The following ENTPD3 variants were observed in gnomAD, a reference collection of about 807,000 sequenced individuals.
ENTPD3 encodes CD39 antigen-like 3.
ENTPD3 carries 60 observed loss-of-function variants against 51.2 expected under a neutral mutation model. The observed-to-expected ratio is 1.17, with a 90% CI of 0.95 to 1.45. The LOEUF is 1.45. ENTPD3 is among the 40% of genes most tolerant of loss of function. The pLI, the probability that ENTPD3 is intolerant of heterozygous loss-of-function variation, is 0.00. For missense variants in ENTPD3, 593 were observed against 641.1 expected (o/e 0.93, Z 0.81); for synonymous variants, 221 against 238.4 (o/e 0.93, Z 0.67).
chr3:40,403,824 T>C (rs927562516), intron 4 of ENTPD3, among the ~76,000 whole-genome samples: 2 of 152,074 alleles, frequency 1.3e-5, no homozygotes, highest in Non-Finnish European at 2.9e-5. Flanking sequence ...GCTAATTTTA[T>C]TTTTTGTAGA....
At chr3:40,404,832 G>A (rs1008810250) in intron 4 of ENTPD3, among the ~76,000 whole-genome samples, 6 of 152,202 alleles carry the variant, frequency 3.9e-5, no homozygotes, top group Admixed American at 3.3e-4. Flanking sequence ...AGGGGGTGAT[G>A]AATGCTTGCT....
chr3:40,414,930 G>A (rs147275720), intron 6 of ENTPD3, 90 bp downstream of exon 6: 2 of 1,329,636 alleles, frequency 1.5e-6, no homozygotes, highest in South Asian at 2.5e-5. Flanking sequence ...TGCCATCAGG[G>A]ATATCTGCCC....
chr3:40,415,993 G>T lies in ENTPD3; in HGVS notation c.751G>T (p.Val251Leu). The T allele has an allele frequency of 6.2e-7, 1 of 1,613,652 alleles. No homozygotes were observed. The highest frequency in any genetic ancestry group is 8.5e-7 in the Non-Finnish European group (1 of 1,179,870). Residue 251 changes from valine (V) to leucine (L), a missense_variant, in exon 7 of 11, where the codon GTA becomes TTA. Physicochemically the swap from Val to Leu is conservative, Grantham distance 32 (BLOSUM62 1). Transcript: ENST00000301825. ...CATGCAGGTGTCCCTGTATGGCTAC[G>T]TATACACGCTCTACACACACAGCTT... ...DIMQVSLYGY[V>L]YTLYTHSFQC...
intron 10 of ENTPD3, among the ~76,000 whole-genome samples, 177 bp from the exon 11 acceptor site, chr3:40,427,095 G>C (rs1955999598): frequency 6.6e-6 from 1 of 152,158 alleles, no homozygotes; most frequent in Non-Finnish European, 1.5e-5. Flanking sequence ...CTGGAGGTGA[G>C]ATTTCCCCAA....
intron 4 of ENTPD3, among the ~76,000 whole-genome samples, chr3:40,405,486 C>T (rs908669378): frequency 5.4e-5 from 8 of 148,872 alleles, no homozygotes; most frequent in African/African-American, 2.0e-4. Flanking sequence ...GCCTGGGTGA[C>T]AGAGCGAGAC....
At chr3:40,415,392 A>G (rs550615229) in intron 6 of ENTPD3, among the ~76,000 whole-genome samples, 1 of 152,288 alleles carries the variant, frequency 6.6e-6, no homozygotes, top group African/African-American at 2.4e-5. Context: ...CCCAAGACCT[A>G]TTTTGTTCAC....
Position 40,421,117 on chromosome 3 carries a change from G to A in ENTPD3, c.832-1733G>A, listed in dbSNP as rs748844901. 5.3e-5 allele frequency among the ~76,000 whole-genome samples: 8 copies of A among 150,504 alleles called. No individual in the cohort carries two copies. In the East Asian group the frequency reaches 9.7e-4, roughly 18 times the overall value. ...CGGTTTGCTGCAACCTCCGCCTCCC[G>A]GGTTCAAGTGGTTCTCCTGCCTCAG... On this transcript the variant is annotated intron_variant, in intron 7 of 10. Coordinates refer to ENST00000301825, the MANE Select transcript of ENTPD3 (RefSeq NM_001248.4).
intron 4 of ENTPD3, 102 bp from the exon 5 acceptor site, chr3:40,411,698 GACCCCCTACCAA>G: frequency 9.2e-7 from 1 of 1,083,530 alleles, no homozygotes; most frequent in Non-Finnish European, 1.3e-6. Context: ...AGCTGTTTTC[GACCCCCTACCAA>G]ACCCCAATAA....
At chr3:40,426,107 C>CTTTTTTTTTTTT (rs35267876) in intron 10 of ENTPD3, among the ~76,000 whole-genome samples, 355 of 112,346 alleles carry the variant, frequency 3.2e-3, no homozygotes, top group Non-Finnish European at 5.0e-3. Flanking sequence ...TTTTTCTTTT[C>CTTTTTTTTTTTT]TTTTTTTTTT....
In ENTPD3 at chr3:40,415,806, GCTTT is replaced by G. The variant is rs766946712; in HGVS notation, c.598-27_598-24del. 4 of 1,573,842 alleles carry G rather than the reference GCTTT, an allele frequency of 2.5e-6. No homozygotes were observed. In the Admixed American group the frequency reaches 5.0e-5, roughly 20 times the overall value. ...TGGGCAAACAGAGATGGTGCCTTTG[GCTTT>G]CTTTCTCACTTCCTTTTCCCACTGT... On this transcript the variant is annotated intron_variant, in intron 6 of 10. Coordinates refer to ENST00000301825, the MANE Select transcript of ENTPD3 (RefSeq NM_001248.4).
chr3:40,424,779 T>C (rs1472286680), intron 10 of ENTPD3: 2 of 702,076 alleles, frequency 2.8e-6, no homozygotes, highest in South Asian at 1.5e-5. Flanking sequence ...ATAGCTGATA[T>C]GAAGCCTGAA....
At chr3:40,421,258 A>C (rs867679633) in intron 7 of ENTPD3, among the ~76,000 whole-genome samples, 5 of 152,188 alleles carry the variant, frequency 3.3e-5, no homozygotes, top group Middle Eastern at 3.4e-3. Flanking sequence ...TCCTGACCTC[A>C]AATGATCTGC....
chr3:40,425,175 T>A lies in ENTPD3; in HGVS notation c.1353+1212T>A, dbSNP rs562327510. 2.0e-5 allele frequency among the ~76,000 whole-genome samples: 3 copies of A among 152,260 alleles called. No homozygotes were observed. The East Asian group carries it at 5.8e-4, about 29-fold the overall frequency. ...GCTCACACCTGTAATCCCAGCGCTT[T>A]GGGAGGCCGAGGCAGGCGGATCACC... is the stretch of plus-strand genomic sequence containing the variant. On this transcript the variant is annotated intron_variant, in intron 10 of 10. Coordinates refer to ENST00000301825, the MANE Select transcript of ENTPD3 (RefSeq NM_001248.4).
chr3:40,387,574 C>T (rs1954967946), intron 1 of ENTPD3, among the ~76,000 whole-genome samples: 1 of 152,140 alleles, frequency 6.6e-6, no homozygotes. Context: ...ATCCCAGGGC[C>T]CCGACATCCC....
At chr3:40,424,693 G>C in intron 10 of ENTPD3, 1 of 699,128 alleles carries the variant, frequency 1.4e-6, no homozygotes, top group Admixed American at 2.0e-5. Context: ...CTTGTTTTTA[G>C]GCAGGGCTAA....
At chr3:40,397,570 T>C (rs1425228854) in intron 3 of ENTPD3, among the ~76,000 whole-genome samples, 1 of 152,146 alleles carries the variant, frequency 6.6e-6, no homozygotes, top group East Asian at 1.9e-4. Context: ...CTGCAGTGCC[T>C]AGAATAAGTG....
intron 4 of ENTPD3, among the ~76,000 whole-genome samples, chr3:40,402,275 C>G (rs537414012): frequency 1.5e-4 from 22 of 151,702 alleles, no homozygotes; most frequent in African/African-American, 5.3e-4. Flanking sequence ...CCTGCCACCA[C>G]GCCTGGCTAA....
chr3:40,402,849 A>G (rs1381382272), intron 4 of ENTPD3, among the ~76,000 whole-genome samples: 2 of 152,280 alleles, frequency 1.3e-5, no homozygotes, highest in East Asian at 1.9e-4. Context: ...GCCTTTTACA[A>G]TTAAGTAATT....
In ENTPD3 at chr3:40,413,360, C is replaced by A. The variant is rs141750812; in HGVS notation, c.438-1321C>A. ...CAGAACAGGACCTGAGCAATACCAA[C>A]AATATGAATGTGATAAGTGACTACA... On this transcript the variant is annotated intron_variant, in intron 5 of 10. Transcript: ENST00000301825. 1.7e-3 allele frequency among the ~76,000 whole-genome samples: 265 copies of A among 152,260 alleles called. 1 individual carries two copies. The highest frequency in any genetic ancestry group is 4.5e-3 in the African/African-American group (187 of 41,560).
Sources: allele counts gnomAD v4.1 joint callset (sites outside exome capture counted in the v4.1 genomes callset), GRCh38; gene constraint gnomAD v4.1.1; transcripts MANE v1.5; gene names NCBI Gene and HGNC (gene_info 2026-07-23, HGNC 2026-07-21).